Variants in PRTFDC1 observed in about 807,000 individuals in gnomAD.
PRTFDC1 encodes the protein phosphoribosyl transferase domain containing 1, also known as phosphoribosyltransferase domain-containing protein 1.
A neutral mutation model predicts 34.6 loss-of-function variants in PRTFDC1; 38 were observed. The ratio of observed to expected loss-of-function variants is 1.10; its 90% CI spans 0.85 to 1.44. PRTFDC1 has a LOEUF of 1.44. PRTFDC1 is among the 40% of genes most tolerant of loss of function. The probability of loss-of-function intolerance (pLI) is 0.00; values close to 1 mark genes in which losing one functional copy is unlikely to be tolerated. For missense variants in PRTFDC1, 270 were observed against 283.0 expected (o/e 0.95, Z 0.33); for synonymous variants, 93 against 98.1 (o/e 0.95, Z 0.31).
At chr10:24,947,746 C>T (rs1413505269) in intron 1 of PRTFDC1, among the ~76,000 whole-genome samples, 1 of 152,014 alleles carries the variant, frequency 6.6e-6, no homozygotes, top group Non-Finnish European at 1.5e-5. Context: ...TGGCCCTGTT[C>T]TCTCCTTCAG....
intron 3 of PRTFDC1, among the ~76,000 whole-genome samples, chr10:24,877,178 G>A (rs2132519461): frequency 6.6e-6 from 1 of 152,070 alleles, no homozygotes; most frequent in Non-Finnish European, 1.5e-5. Context: ...TCCTTAATCA[G>A]GCACATACCA....
intron 3 of PRTFDC1, among the ~76,000 whole-genome samples, chr10:24,922,405 C>A (rs1278191909): frequency 6.6e-6 from 1 of 152,134 alleles, no homozygotes; most frequent in Admixed American, 6.5e-5. Flanking sequence ...ACAAGTCTCA[C>A]CTTGAATTGT....
intron 3 of PRTFDC1, among the ~76,000 whole-genome samples, chr10:24,894,559 T>C (rs1848318065): frequency 1.3e-5 from 2 of 152,210 alleles, no homozygotes; most frequent in Non-Finnish European, 2.9e-5. Context: ...TTCATGCAGC[T>C]CAGAGTTCTG....
chr10:24,850,875 T>C (rs531910475), intron 8 of PRTFDC1, among the ~76,000 whole-genome samples: 3 of 152,274 alleles, frequency 2.0e-5, no homozygotes, highest in Non-Finnish European at 2.9e-5. Context: ...GAGAGACTGA[T>C]TGGTCCACTA....
chr10:24,921,463 G>A (rs994555096), intron 3 of PRTFDC1, among the ~76,000 whole-genome samples: 13 of 152,056 alleles, frequency 8.5e-5, no homozygotes, highest in Admixed American at 3.3e-4. Flanking sequence ...TCCAGGCCTC[G>A]ATGATCACAT....
At chr10:24,950,640 G>A (rs545332315) in intron 1 of PRTFDC1, among the ~76,000 whole-genome samples, 14 of 151,354 alleles carry the variant, frequency 9.2e-5, no homozygotes, top group East Asian at 1.9e-4. Flanking sequence ...TCTTGACCCC[G>A]CCCCTCCTGC....
At chr10:24,877,189 C>T (rs1208422601) in intron 3 of PRTFDC1, among the ~76,000 whole-genome samples, 2 of 152,106 alleles carry the variant, frequency 1.3e-5, no homozygotes, top group Non-Finnish European at 2.9e-5. Flanking sequence ...GCACATACCA[C>T]CATGCCCGAC....
intron 1 of PRTFDC1, among the ~76,000 whole-genome samples, chr10:24,945,258 G>A (rs1262145921): frequency 1.3e-5 from 2 of 152,110 alleles, no homozygotes; most frequent in East Asian, 3.8e-4. Context: ...ATGCTGATCT[G>A]GAATATGGTA....
chr10:24,873,779 T>C (rs1021074259), intron 3 of PRTFDC1, among the ~76,000 whole-genome samples: 3 of 151,714 alleles, frequency 2.0e-5, no homozygotes, highest in African/African-American at 7.3e-5. Flanking sequence ...TACTTTGTTA[T>C]GGAGTTGGTC....
intron 1 of PRTFDC1, among the ~76,000 whole-genome samples, chr10:24,943,253 G>C (rs1849198628): frequency 6.6e-6 from 1 of 151,934 alleles, no homozygotes. Flanking sequence ...TGAATGTCTA[G>C]TCACTATAGT....
intron 3 of PRTFDC1, among the ~76,000 whole-genome samples, chr10:24,910,462 G>T (rs1218021741): frequency 6.6e-6 from 1 of 152,156 alleles, no homozygotes; most frequent in African/African-American, 2.4e-5. Context: ...TTAAGATAAT[G>T]CACATGAAAA....
chr10:24,917,791 C>T (rs1432120729), intron 3 of PRTFDC1, among the ~76,000 whole-genome samples: 7 of 152,130 alleles, frequency 4.6e-5, no homozygotes, highest in African/African-American at 1.7e-4. Flanking sequence ...CTTTTCTTTA[C>T]AACCATTCAG....
At chr10:24,880,831 C>CTTTCTT (rs745968198) in intron 3 of PRTFDC1, among the ~76,000 whole-genome samples, 11 of 137,568 alleles carry the variant, frequency 8.0e-5, no homozygotes, top group African/African-American at 3.3e-4. Flanking sequence ...TTCTTTCTTT[C>CTTTCTT]TTTCTTTCTT....
In PRTFDC1 at chr10:24,942,440, C is replaced by T. The variant is rs1588626279; in HGVS notation, c.49-4G>A. 6.2e-7 allele frequency: 1 copy of T among 1,602,514 alleles called. No homozygotes were observed. On this transcript the variant is annotated splice_region_variant and splice_polypyrimidine_tract_variant and intron_variant, in intron 1 of 8. Coordinates refer to ENST00000320152, the MANE Select transcript of PRTFDC1 (RefSeq NM_020200.7). ...ACCCTGGCCAATCATCCATAATCTG[C>T]AAATCAAATTATTTTGGTTATGGTA...
intron 3 of PRTFDC1, among the ~76,000 whole-genome samples, chr10:24,886,135 A>C (rs1848159803): frequency 6.6e-6 from 1 of 152,176 alleles, no homozygotes; most frequent in Non-Finnish European, 1.5e-5. Context: ...CAAACTACGA[A>C]CTTTGGGTGA....
chr10:24,945,985 G>A (rs2132620293), intron 1 of PRTFDC1, among the ~76,000 whole-genome samples: 1 of 152,252 alleles, frequency 6.6e-6, no homozygotes, highest in Admixed American at 6.6e-5. Flanking sequence ...ACCAGACCAG[G>A]AGAACCCTGA....
intron 3 of PRTFDC1, among the ~76,000 whole-genome samples, chr10:24,873,352 A>G (rs1847909465): frequency 6.6e-6 from 1 of 152,196 alleles, no homozygotes; most frequent in African/African-American, 2.4e-5. Context: ...ACAGACCCAC[A>G]TTAAAGGAAC....
chr10:24,893,525 G>C lies in PRTFDC1; in HGVS notation c.340-21462C>G, dbSNP rs944320418. ...AGGTCTCAATAGGTTGCCCAGGCTGGTCTCAAACTCCTGGCCTCAAGTGAT... is the reference window on the plus strand; with the variant it reads ...AGGTCTCAATAGGTTGCCCAGGCTGCTCTCAAACTCCTGGCCTCAAGTGAT... On this transcript the variant is annotated intron_variant, in intron 3 of 8. Coordinates refer to ENST00000320152, the MANE Select transcript of PRTFDC1 (RefSeq NM_020200.7). Among the ~76,000 whole-genome samples the C allele has an allele frequency of 4.6e-5, 7 of 152,216 alleles. No homozygotes were observed. The South Asian group carries it at 1.2e-3, about 27-fold the overall frequency.
rs779689301 is a variant in PRTFDC1, at chr10:24,872,082, A to G, written c.340-19T>C. The G allele has an allele frequency of 2.5e-6, 4 of 1,586,382 alleles. No homozygotes were observed. The highest frequency in any genetic ancestry group is 2.2e-5 in the South Asian group (2 of 90,122). On this transcript the variant is annotated intron_variant, in intron 3 of 8. Coordinates refer to ENST00000320152, the MANE Select transcript of PRTFDC1 (RefSeq NM_020200.7). ...GGTCATTCTGCAAAAAAGAAGAAAA[A>G]AAAGGGAGACAATTTTACCGCACAA...
Sources: gnomAD v4.1 joint callset for allele counts (sites outside exome capture counted in the v4.1 genomes callset) on GRCh38, gnomAD v4.1.1 for gene constraint, MANE v1.5 for transcripts, NCBI Gene and HGNC (gene_info 2026-07-23, HGNC 2026-07-21) for gene names.